ZDHHC14: variants seen among roughly 807,000 people sequenced by gnomAD.
ZDHHC14 encodes the protein palmitoyltransferase ZDHHC14.
In ZDHHC14, 16 loss-of-function variants were observed where a neutral mutation model predicts 47.7. The ratio of observed to expected loss-of-function variants is 0.34; its 90% CI spans 0.23 to 0.51. The LOEUF (loss-of-function observed/expected upper bound fraction) is 0.51. ZDHHC14 is among the 20% of genes least tolerant of loss of function. ZDHHC14 has a pLI of 0.97. For synonymous variants in ZDHHC14, 293 were observed against 278.9 expected, an observed-to-expected ratio of 1.05 and a Z score of -0.50; for missense variants, 515 against 662.5, an observed-to-expected ratio of 0.78 and a Z score of 2.44.
intron 1 of ZDHHC14, among the ~76,000 whole-genome samples, chr6:157,530,844 C>T (rs922276495): frequency 2.0e-5 from 3 of 152,098 alleles, no homozygotes; most frequent in Non-Finnish European, 4.4e-5. Flanking sequence ...TATTTCTAAC[C>T]TGTATTGGTC....
intron 1 of ZDHHC14, among the ~76,000 whole-genome samples, chr6:157,421,842 A>G (rs1477788345): frequency 1.3e-5 from 2 of 152,156 alleles, no homozygotes; most frequent in Non-Finnish European, 2.9e-5. Flanking sequence ...TCCTGAGCTC[A>G]GGTGATCCAC....
At chr6:157,413,589 CTTT>C (rs879656638) in intron 1 of ZDHHC14, among the ~76,000 whole-genome samples, 1 of 139,538 alleles carries the variant, frequency 7.2e-6, no homozygotes. Context: ...TCCTTCCTTT[CTTT>C]TTTTTTTTTT....
At chr6:157,581,034 T>A (rs1783500858) in intron 2 of ZDHHC14, among the ~76,000 whole-genome samples, 1 of 152,070 alleles carries the variant, frequency 6.6e-6, no homozygotes, top group Non-Finnish European at 1.5e-5. Context: ...TTGAGATCCT[T>A]CTTACTTTTT....
At chr6:157,501,678 G>A (rs2114738746) in intron 1 of ZDHHC14, among the ~76,000 whole-genome samples, 1 of 152,332 alleles carries the variant, frequency 6.6e-6, no homozygotes, top group African/African-American at 2.4e-5. Flanking sequence ...TCCTGTTGCT[G>A]ATTTCCTCAT....
chr6:157,618,553 C>T (rs901249648), intron 3 of ZDHHC14, among the ~76,000 whole-genome samples: 2 of 152,232 alleles, frequency 1.3e-5, no homozygotes, highest in South Asian at 4.1e-4. Context: ...AACTCCTGAC[C>T]TCAAATGATC....
intron 1 of ZDHHC14, among the ~76,000 whole-genome samples, chr6:157,520,114 G>A (rs537659603): frequency 7.7e-4 from 118 of 152,292 alleles, no homozygotes; most frequent in Non-Finnish European, 1.3e-3. Context: ...ATCGAGGTGC[G>A]TAGCCTCTCC....
intron 7 of ZDHHC14, among the ~76,000 whole-genome samples, chr6:157,652,906 AG>A (rs1294150027): frequency 6.6e-6 from 1 of 152,182 alleles, no homozygotes; most frequent in Non-Finnish European, 1.5e-5. Context: ...GCTGAGAATC[AG>A]AGAAGGGGAG....
chr6:157,415,630 T>C (rs532037729), intron 1 of ZDHHC14, among the ~76,000 whole-genome samples: 8 of 152,160 alleles, frequency 5.3e-5, no homozygotes, highest in East Asian at 1.9e-4. Context: ...ATCCCAGCAC[T>C]TGGGGAGGCC....
At chr6:157,486,671 T>C (rs1352433043) in intron 1 of ZDHHC14, among the ~76,000 whole-genome samples, 1 of 152,132 alleles carries the variant, frequency 6.6e-6, no homozygotes, top group East Asian at 1.9e-4. Flanking sequence ...CTGACGATGC[T>C]GCAGGAGCTC....
intron 8 of ZDHHC14, among the ~76,000 whole-genome samples, chr6:157,664,709 G>T (rs1885451): frequency 0.01 from 1,524 of 152,282 alleles, 30 homozygotes; most frequent in African/African-American, 0.035. Context: ...CAATGTGTTG[G>T]AGGTGTTCAT....
chr6:157,640,052 C>T (rs541099871), intron 5 of ZDHHC14, among the ~76,000 whole-genome samples: 6 of 152,294 alleles, frequency 3.9e-5, no homozygotes, highest in South Asian at 2.1e-4. Flanking sequence ...GTGGTGATGC[C>T]GCCTTGGCTT....
chr6:157,523,544 A>G (rs920157777), intron 1 of ZDHHC14, among the ~76,000 whole-genome samples: 2 of 152,146 alleles, frequency 1.3e-5, no homozygotes, highest in East Asian at 1.9e-4. Flanking sequence ...GTCAGACCAC[A>G]GGGGCATAAA....
At chr6:157,568,247 TA>T (rs1782978851) in intron 2 of ZDHHC14, among the ~76,000 whole-genome samples, 1 of 152,180 alleles carries the variant, frequency 6.6e-6, no homozygotes, top group Admixed American at 6.5e-5. Flanking sequence ...CAAAGTAATA[TA>T]TATGTCCATT....
chr6:157,546,205 G>A (rs999383098), intron 2 of ZDHHC14, among the ~76,000 whole-genome samples: 15 of 152,134 alleles, frequency 9.9e-5, no homozygotes, highest in African/African-American at 3.6e-4. Flanking sequence ...CCCTTCATAA[G>A]GAGTCCTCCC....
intron 1 of ZDHHC14, among the ~76,000 whole-genome samples, chr6:157,407,253 C>G (rs1250813775): frequency 6.6e-6 from 1 of 152,136 alleles, no homozygotes; most frequent in Non-Finnish European, 1.5e-5. Context: ...GGTTTCCACA[C>G]CAGGCCACCC....
chr6:157,422,471 A>G (rs956299201), intron 1 of ZDHHC14, among the ~76,000 whole-genome samples: 3 of 152,214 alleles, frequency 2.0e-5, no homozygotes, highest in Non-Finnish European at 4.4e-5. Context: ...TTATGAAGCT[A>G]AACTCAGCAG....
At chr6:157,616,889 C>T (rs1784987386) in intron 3 of ZDHHC14, among the ~76,000 whole-genome samples, 1 of 152,174 alleles carries the variant, frequency 6.6e-6, no homozygotes, top group Non-Finnish European at 1.5e-5. Context: ...CCAGACTGAG[C>T]CACAAGGACC....
chr6:157,433,059 G>A (rs1778369905), intron 1 of ZDHHC14, among the ~76,000 whole-genome samples: 2 of 152,252 alleles, frequency 1.3e-5, no homozygotes, highest in Admixed American at 1.3e-4. Flanking sequence ...CAAGAGCGGT[G>A]TGCCTGTGTC....
chr6:157,528,687 G>A (rs532706346), intron 1 of ZDHHC14, among the ~76,000 whole-genome samples: 50 of 151,972 alleles, frequency 3.3e-4, no homozygotes, highest in African/African-American at 1.2e-3. Context: ...AGCCGAGGTC[G>A]CACCACTGCA....
Sources: allele counts gnomAD v4.1 joint callset (sites outside exome capture counted in the v4.1 genomes callset), GRCh38; gene constraint gnomAD v4.1.1; transcripts MANE v1.5; gene names NCBI Gene and HGNC (gene_info 2026-07-23, HGNC 2026-07-21).